Variants in FBN1 observed in about 807,000 individuals in gnomAD.
FBN1 encodes fibrillin 1.
Under a neutral mutation model 365.1 loss-of-function variants are expected in FBN1, and 29 were observed. The ratio of observed to expected loss-of-function variants is 0.08; its 90% CI spans 0.06 to 0.11. FBN1 has a LOEUF of 0.11. Among genes scored for constraint, FBN1 ranks in the 10% least tolerant of loss-of-function variants. The probability of loss-of-function intolerance (pLI) is 1.00; values close to 1 mark genes in which losing one functional copy is unlikely to be tolerated. For synonymous variants in FBN1, 1,210 were observed against 1,270.5 expected (o/e 0.95, Z 1.01); for missense variants, 2,476 against 3,703.2 (o/e 0.67, Z 8.60).
At position 48,506,516 on chromosome 15, in the gene FBN1, C is replaced by T. The variant is rs552385289; in HGVS notation, c.1838-1369G>A. On this transcript the variant is annotated intron_variant, in intron 15 of 65. Coordinates refer to ENST00000316623, the MANE Select transcript of FBN1 (RefSeq NM_000138.5). The stretch of plus-strand genomic sequence containing the variant: ...ATTCAAATTGTGACACACAGCAAAA[C>T]GTGGAGACTACAACCTGAAAGGTAA... Among the ~76,000 whole-genome samples the T allele has an allele frequency of 2.2e-4, 34 of 152,244 alleles. No individual in the cohort carries two copies. The South Asian group carries it at 6.4e-3, about 29-fold the overall frequency.
intron 7 of FBN1, among the ~76,000 whole-genome samples, chr15:48,535,640 G>C (rs1190509364): frequency 6.6e-6 from 1 of 152,204 alleles, no homozygotes; most frequent in East Asian, 1.9e-4. Context: ...AGTGATTGCT[G>C]TTTATAAGAT....
At chr15:48,415,303 A>T (rs1376107965) in intron 64 of FBN1, among the ~76,000 whole-genome samples, 1 of 152,226 alleles carries the variant, frequency 6.6e-6, no homozygotes, top group Non-Finnish European at 1.5e-5. Context: ...GAGAAGTCAT[A>T]TAGCGAGATA....
chr15:48,532,474 A>T (rs182284442), intron 8 of FBN1, among the ~76,000 whole-genome samples: 1 of 147,520 alleles, frequency 6.8e-6, no homozygotes, highest in African/African-American at 2.5e-5. Context: ...GTGTGTGTGT[A>T]TATGTGTGTG....
At chr15:48,504,941 G>T in intron 16 of FBN1, 84 bp downstream of exon 16, 1 of 1,552,522 alleles carries the variant, frequency 6.4e-7, no homozygotes, top group Non-Finnish European at 8.9e-7. Context: ...ATCTGCTACA[G>T]TAGAGAGCGT....
At position 48,409,721 on chromosome 15, in the gene FBN1, G is replaced by T. The variant is rs1405437806; in HGVS notation, c.*1269C>A. 2 of 152,096 alleles carry T rather than the reference G, an allele frequency of 1.3e-5. No individual in the cohort carries two copies. The highest frequency in any genetic ancestry group is 4.8e-5 in the African/African-American group (2 of 41,404). The allele number at this position is 152,096 out of a possible 1,614,324, so 9.4% of individuals were successfully genotyped here. ...GCCAAAACTGTGTATATTTGAGAGG[G>T]GGGCATGATAAATCTATTATAATGA... On this transcript the variant is annotated 3_prime_UTR_variant, in exon 66 of 66. Transcript: ENST00000316623.
At chr15:48,461,073 G>A (rs1038431421) in intron 42 of FBN1, among the ~76,000 whole-genome samples, 2 of 152,118 alleles carry the variant, frequency 1.3e-5, no homozygotes, top group African/African-American at 2.4e-5. Flanking sequence ...GTGAAAATCA[G>A]TAAAAGATTT....
chr15:48,619,265 A>T (rs1889720643), intron 2 of FBN1, among the ~76,000 whole-genome samples: 1 of 151,888 alleles, frequency 6.6e-6, no homozygotes, highest in African/African-American at 2.4e-5. Context: ...AACCACTCTA[A>T]CTTACTTTGT....
chr15:48,545,876 G>A (rs1283375284), intron 6 of FBN1, among the ~76,000 whole-genome samples: 1 of 151,980 alleles, frequency 6.6e-6, no homozygotes, highest in African/African-American at 2.4e-5. Flanking sequence ...ACACAAAAAT[G>A]TAGCTGGGTG....
At chr15:48,530,787 T>A (rs1009465849) in intron 8 of FBN1, among the ~76,000 whole-genome samples, 14 of 152,114 alleles carry the variant, frequency 9.2e-5, no homozygotes, top group Admixed American at 3.3e-4. Context: ...GGTTTTTGGC[T>A]CACATATTAT....
chr15:48,628,118 C>A (rs889292274), intron 2 of FBN1, among the ~76,000 whole-genome samples: 2 of 152,134 alleles, frequency 1.3e-5, no homozygotes, highest in Admixed American at 6.5e-5. Flanking sequence ...ATGAAACACA[C>A]GGGTGATGTG....
intron 6 of FBN1, among the ~76,000 whole-genome samples, chr15:48,542,268 T>C (rs1345747658): frequency 1.3e-5 from 2 of 152,234 alleles, no homozygotes; most frequent in Non-Finnish European, 2.9e-5. Context: ...TCGTCCCTCC[T>C]GCCCAGTCAC....
intron 60 of FBN1, among the ~76,000 whole-genome samples, chr15:48,423,502 C>A (rs570211106): frequency 1.4e-4 from 22 of 152,178 alleles, no homozygotes; most frequent in Non-Finnish European, 2.8e-4. Flanking sequence ...TGTCTATGGC[C>A]CAAGGAGCTT....
In FBN1 at chr15:48,575,802, TACACACACACACACAC is replaced by T. The variant is rs58125518; in HGVS notation, c.538+20465_538+20480del. On this transcript the variant is annotated intron_variant, in intron 6 of 65. Transcript: ENST00000316623. ...AGGGCTGGATAAAGAAAATGTGAGA[TACACACACACACACAC>T]ACACACACACACACACACACACACA... 6.8e-4 allele frequency among the ~76,000 whole-genome samples: 96 copies of T among 140,226 alleles called. No homozygotes were observed. The South Asian group carries it at 9.8e-3, about 14-fold the overall frequency. The allele number at this position is 140,226 out of a possible 152,430, so 92.0% of individuals were successfully genotyped here. A position where few individuals can be genotyped will look rare whatever the true frequency, so the allele number is the denominator to read the frequency against.
chr15:48,483,722 G>A (rs113295908), intron 31 of FBN1, 96 bp downstream of exon 31: 5 of 1,413,342 alleles, frequency 3.5e-6, no homozygotes, highest in African/African-American at 2.8e-5. Context: ...CTTTTCCTAT[G>A]GAATCTTTCT....
chr15:48,455,868 T>C (rs1370316711), intron 44 of FBN1, among the ~76,000 whole-genome samples: 1 of 152,166 alleles, frequency 6.6e-6, no homozygotes, highest in African/African-American at 2.4e-5. Context: ...TGTTGACATA[T>C]GTGCTATAAT....
chr15:48,420,257 C>T (rs1220697756), intron 63 of FBN1, among the ~76,000 whole-genome samples: 1 of 152,180 alleles, frequency 6.6e-6, no homozygotes. Flanking sequence ...CCTGCTTGCG[C>T]TCTGTCTCAA....
intron 30 of FBN1, 75 bp from the exon 31 acceptor site, chr15:48,484,018 C>G: frequency 6.7e-7 from 1 of 1,492,242 alleles, no homozygotes; most frequent in Non-Finnish European, 9.2e-7. Context: ...ATTAACTGAC[C>G]GCAGTCAAAT....
intron 9 of FBN1, among the ~76,000 whole-genome samples, chr15:48,524,028 C>T (rs1179939983): frequency 6.6e-6 from 1 of 152,202 alleles, no homozygotes; most frequent in African/African-American, 2.4e-5. Flanking sequence ...CAGGCTTCTC[C>T]TAACCTGTCA....
intron 25 of FBN1, among the ~76,000 whole-genome samples, chr15:48,489,209 T>A (rs2043535009): frequency 7.2e-6 from 1 of 139,170 alleles, no homozygotes; most frequent in African/African-American, 2.7e-5. Context: ...TATTTTTTTT[T>A]TTTTTTTTTT....
Sources: gnomAD v4.1 joint callset for allele counts (sites outside exome capture counted in the v4.1 genomes callset) on GRCh38, gnomAD v4.1.1 for gene constraint, MANE v1.5 for transcripts, NCBI Gene and HGNC (gene_info 2026-07-23, HGNC 2026-07-21) for gene names.